Variants in SH3GL2 observed in about 807,000 individuals in gnomAD.
The protein encoded by SH3GL2 is SH3 domain containing GRB2 like 2, endophilin A1.
A neutral mutation model predicts 46.0 loss-of-function variants in SH3GL2; 24 were observed. The ratio of observed to expected loss-of-function variants is 0.52; its 90% CI spans 0.38 to 0.73. SH3GL2 has a LOEUF of 0.73. SH3GL2 is among the 30% of genes least tolerant of loss of function. The probability of loss-of-function intolerance (pLI) is 0.00; values close to 1 mark genes in which losing one functional copy is unlikely to be tolerated. For synonymous variants in SH3GL2, 196 were observed against 147.1 expected (o/e 1.33, Z -2.40); for missense variants, 413 against 424.2 (o/e 0.97, Z 0.23).
At chr9:17,792,090 GC>G (rs1337091882) in intron 7 of SH3GL2, among the ~76,000 whole-genome samples, 2 of 152,070 alleles carry the variant, frequency 1.3e-5, no homozygotes. Context: ...TTTTTCTTAG[GC>G]CACATGGCCA....
At chr9:17,685,243 G>A (rs1436005049) in intron 1 of SH3GL2, among the ~76,000 whole-genome samples, 2 of 152,106 alleles carry the variant, frequency 1.3e-5, no homozygotes, top group Non-Finnish European at 2.9e-5. Context: ...AAATTCATAG[G>A]ACATGTTTGC....
intron 1 of SH3GL2, among the ~76,000 whole-genome samples, chr9:17,646,403 G>C (rs543860752): frequency 6.6e-6 from 1 of 152,144 alleles, no homozygotes; most frequent in Admixed American, 6.5e-5. Context: ...TCTCTGTCCA[G>C]TTTTGCTCCT....
chr9:17,661,092 G>T (rs760596619), intron 1 of SH3GL2, among the ~76,000 whole-genome samples: 1 of 152,134 alleles, frequency 6.6e-6, no homozygotes, highest in Non-Finnish European at 1.5e-5. Context: ...AACCTGGGAG[G>T]CAGAGGTTGC....
chr9:17,791,202 T>G, intron 6 of SH3GL2, 29 bp from the exon 7 acceptor site: 1 of 1,525,232 alleles, frequency 6.6e-7, no homozygotes, highest in South Asian at 1.1e-5. Flanking sequence ...CGTGTAAAAC[T>G]AAGGCATGAT....
intron 1 of SH3GL2, among the ~76,000 whole-genome samples, chr9:17,663,030 T>G (rs1373277700): frequency 6.6e-6 from 1 of 152,122 alleles, no homozygotes; most frequent in Non-Finnish European, 1.5e-5. Flanking sequence ...ATAAACCTCT[T>G]GGGGAAGATA....
At chr9:17,674,446 T>C (rs115083483) in intron 1 of SH3GL2, among the ~76,000 whole-genome samples, 99 of 152,224 alleles carry the variant, frequency 6.5e-4, no homozygotes, top group African/African-American at 2.1e-3. Context: ...TTTGTTTTTT[T>C]AGTAGGGACA....
At chr9:17,681,721 A>G (rs1173820509) in intron 1 of SH3GL2, among the ~76,000 whole-genome samples, 4 of 152,220 alleles carry the variant, frequency 2.6e-5, no homozygotes, top group Admixed American at 2.6e-4. Context: ...TCATTAAACT[A>G]AAGAGCTCTT....
chr9:17,633,974 A>G (rs529197735), intron 1 of SH3GL2, among the ~76,000 whole-genome samples: 1 of 152,212 alleles, frequency 6.6e-6, no homozygotes, highest in South Asian at 2.1e-4. Flanking sequence ...TTGAATGACC[A>G]TGTCCCTCTT....
At chr9:17,783,719 C>T (rs549246135) in intron 3 of SH3GL2, among the ~76,000 whole-genome samples, 1 of 152,218 alleles carries the variant, frequency 6.6e-6, no homozygotes, top group East Asian at 1.9e-4. Flanking sequence ...TTATGGTCAT[C>T]CTAATTTTGC....
chr9:17,616,804 C>T (rs185255547), intron 1 of SH3GL2, among the ~76,000 whole-genome samples: 7 of 151,916 alleles, frequency 4.6e-5, no homozygotes, highest in African/African-American at 9.7e-5. Flanking sequence ...GATTTTTATA[C>T]CATACAGACT....
rs1819181989 is a variant in SH3GL2 at position 17,622,986 on chromosome 9, G to GTTTCCTTTCCGTTCCTTTCC, written c.45+43709_45+43710insGTTCCTTTCCTTTCCTTTCC. On this transcript the variant is annotated intron_variant, in intron 1 of 8. Transcript: ENST00000380607. Reference sequence around the variant, plus strand: ...CTCCCTTTTCCTTTCGTTTCCTTTCGTTTCCTTTCCTTTCCTTTCCTTTCC... The same window carrying GTTTCCTTTCCGTTCCTTTCC: ...CTCCCTTTTCCTTTCGTTTCCTTTCGTTTCCTTTCCGTTCCTTTCCTTTCCTTTCCTTTCCTTTCCTTTCC... 5.7e-4 allele frequency among the ~76,000 whole-genome samples: 57 copies of GTTTCCTTTCCGTTCCTTTCC among 99,400 alleles called. 2 individuals carry two copies. The East Asian group carries it at 0.011, about 19-fold the overall frequency. 65.2% of individuals were successfully genotyped at this position (99,400 alleles called of 152,430 possible). A position where few individuals can be genotyped will look rare whatever the true frequency, so the allele number is the denominator to read the frequency against.
At chr9:17,754,396 G>A (rs1222806584) in intron 2 of SH3GL2, among the ~76,000 whole-genome samples, 2 of 152,126 alleles carry the variant, frequency 1.3e-5, no homozygotes, top group African/African-American at 4.8e-5. Flanking sequence ...ACTTTTGGCC[G>A]GGTGCAGTGA....
intron 2 of SH3GL2, chr9:17,755,891 A>C (rs1007016510): frequency 5.6e-6 from 2 of 356,336 alleles, no homozygotes; most frequent in Non-Finnish European, 7.8e-6. Flanking sequence ...CATGCCTTCT[A>C]TTCTTTAGTA....
chr9:17,628,411 GGTGTGTGT>G (rs3084633), intron 1 of SH3GL2, among the ~76,000 whole-genome samples: 25,794 of 143,614 alleles, frequency 0.18, 2,292 homozygotes, highest in East Asian at 0.31. Context: ...CTATATCTTG[GGTGTGTGT>G]GTGTGTGTGT....
At position 17,761,657 on chromosome 9, in the gene SH3GL2, C is replaced by G. The variant is rs1376760720; in HGVS notation, c.187+148C>G. ...GAGGTTAGCGACTTCATGGATAGCA[C>G]ATTTTAACTGGGGAGAAGGGCTTTT... is the stretch of plus-strand genomic sequence containing the variant. On this transcript the variant is annotated intron_variant, in intron 3 of 8. Coordinates refer to ENST00000380607, the MANE Select transcript of SH3GL2 (RefSeq NM_003026.5). The G allele has an allele frequency of 9.5e-6, 7 of 735,938 alleles. No homozygotes were observed. The East Asian group carries it at 1.7e-4, about 18-fold the overall frequency. The allele number at this position is 735,938 out of a possible 1,614,324, so 45.6% of individuals were successfully genotyped here.
intron 3 of SH3GL2, among the ~76,000 whole-genome samples, chr9:17,783,696 A>G (rs912760654): frequency 6.6e-6 from 1 of 152,142 alleles, no homozygotes; most frequent in Non-Finnish European, 1.5e-5. Context: ...CCTTTTGGGA[A>G]TAGGTCAGCC....
chr9:17,746,027 G>A (rs1451199940), intron 1 of SH3GL2, among the ~76,000 whole-genome samples: 3 of 152,036 alleles, frequency 2.0e-5, no homozygotes, highest in East Asian at 1.9e-4. Flanking sequence ...TGTGTGATCC[G>A]TTTGTATTTA....
chr9:17,703,924 T>C (rs1201206201), intron 1 of SH3GL2, among the ~76,000 whole-genome samples: 1 of 151,992 alleles, frequency 6.6e-6, no homozygotes, highest in African/African-American at 2.4e-5. Context: ...CTATTCTACA[T>C]AGTATTGGAA....
chr9:17,646,808 C>A (rs747695244), intron 1 of SH3GL2, among the ~76,000 whole-genome samples: 1 of 152,174 alleles, frequency 6.6e-6, no homozygotes, highest in Non-Finnish European at 1.5e-5. Context: ...AGATGTCTGT[C>A]GACCCCTGCT....
Sources: gnomAD v4.1 joint callset for allele counts (sites outside exome capture counted in the v4.1 genomes callset) on GRCh38, gnomAD v4.1.1 for gene constraint, MANE v1.5 for transcripts, NCBI Gene and HGNC (gene_info 2026-07-23, HGNC 2026-07-21) for gene names.